Variants in MMP25 observed in about 807,000 individuals in gnomAD.
MMP25 encodes the protein matrix metallopeptidase 25, also known as matrix metalloproteinase-25.
In MMP25, 68 loss-of-function variants were observed where a neutral mutation model predicts 62.1. The ratio of observed to expected loss-of-function variants is 1.10; its 90% CI spans 0.90 to 1.34. The LOEUF is 1.34. MMP25 is among the 40% of genes most tolerant of loss of function. The probability of loss-of-function intolerance (pLI) is 0.00; values close to 1 mark genes in which losing one functional copy is unlikely to be tolerated. For synonymous variants in MMP25, 407 were observed against 345.6 expected (o/e 1.18, Z -1.97); for missense variants, 942 against 792.5 (o/e 1.19, Z -2.26).
intron 4 of MMP25, 68 bp downstream of exon 4, chr16:3,050,614 G>A: frequency 6.9e-7 from 1 of 1,444,926 alleles, no homozygotes; most frequent in Non-Finnish European, 9.2e-7. Flanking sequence ...TTTCTGTTGT[G>A]TGTTTTGTTT....
Position 3,046,849 on chromosome 16 carries a change from C to G in MMP25, c.-69C>G. ...CCTCTCCAGGCCCGGATCTCCTCCC[C>G]CAGGTCCCCGGGGCGGCCCCAGCCA... On this transcript the variant is annotated 5_prime_UTR_variant, in exon 1 of 10. Coordinates refer to ENST00000336577, the MANE Select transcript of MMP25 (RefSeq NM_022468.5). The G allele has an allele frequency of 2.2e-6, 2 of 903,908 alleles. No homozygotes were observed. The highest frequency in any genetic ancestry group is 6.7e-5 in the East Asian group (2 of 29,700). 56.0% of individuals were successfully genotyped at this position (903,908 alleles called of 1,614,324 possible).
chr16:3,058,209 C>T lies in MMP25; in HGVS notation c.1035C>T (p.Ser345=), dbSNP rs1956046901. 1.2e-6 allele frequency: 2 copies of T among 1,612,838 alleles called. No homozygotes were observed. Among genetic ancestry groups the T allele is most frequent in the East Asian group, 2.2e-5 (1 of 44,750 alleles). Residue 345 remains serine (S), a synonymous_variant, in exon 8 of 10, where the codon TCC becomes TCT. Transcript: ENST00000336577. ...CCTGGTTCTGGCGCCTCCAGCCCTC[C>T]GGACAGCTGGTGTCCCCGCGACCCG... ...KGPWFWRLQP[S]GQLVSPRPAR... is the part of the protein sequence containing the mutation.
rs745785298 is a variant in MMP25 at position 3,050,107 on chromosome 16, A to G, written c.331A>G (p.Ser111Gly). ...LVRRRRRYAL[S>G]GSVWKKRTLT... is the part of the protein sequence containing the mutation. ...CAGGCGGCGTCGCCGGTACGCTCTG[A>G]GCGGCAGCGTGTGGAAGAAGCGAAC... The change falls in exon 3 of 10, where the codon AGC (serine) becomes GGC (glycine). Residue 111 changes from serine to glycine, a missense_variant. Ser to Gly is a moderately conservative substitution (Grantham distance 56). Transcript: ENST00000336577. 22 of 1,609,450 alleles carry G rather than the reference A, an allele frequency of 1.4e-5. No individual in the cohort carries two copies. In the Admixed American group the frequency reaches 3.7e-4, roughly 27 times the overall value.
intron 8 of MMP25, 29 bp from the exon 9 acceptor site, chr16:3,058,383 C>A (rs1379096821): frequency 1.3e-6 from 2 of 1,513,568 alleles, no homozygotes; most frequent in Non-Finnish European, 1.8e-6. Flanking sequence ...GGGGAGCCCA[C>A]CCCTGACCTC....
intron 6 of MMP25, 62 bp from the exon 7 acceptor site, chr16:3,057,469 G>T (rs536753191): frequency 6.3e-7 from 1 of 1,596,460 alleles, no homozygotes; most frequent in East Asian, 2.2e-5. Context: ...TGGGGATGGT[G>T]GGGGTCCCTG....
chr16:3,057,710 CTTCT>C, intron 7 of MMP25, 97 bp downstream of exon 7: 1 of 1,133,972 alleles, frequency 8.8e-7, no homozygotes, highest in Non-Finnish European at 1.3e-6. Context: ...GAACTTTTTT[CTTCT>C]TTGAGACAGG....
intron 2 of MMP25, 110 bp from the exon 3 acceptor site, chr16:3,049,899 C>G: frequency 6.6e-7 from 1 of 1,514,330 alleles, no homozygotes; most frequent in Non-Finnish European, 9.0e-7. Context: ...GGGCACATTT[C>G]TTGAGCCCTC....
rs1955885720 is a variant in MMP25, at chr16:3,050,425, G to A, written c.540G>A (p.Gln180=). ...ILIDFARAFH[Q]DSYPFDGLGG... ...TCGACTTTGCCCGCGCCTTCCACCA[G>A]GACAGCTACCCCTTCGACGGGTTGG... The change falls in exon 4 of 10, where the codon CAG becomes CAA. Residue 180 remains glutamine (Q), a synonymous_variant. Transcript: ENST00000336577. The A allele has an allele frequency of 6.2e-7, 1 of 1,614,032 alleles. No homozygotes were observed. The highest frequency in any genetic ancestry group is 8.5e-7 in the Non-Finnish European group (1 of 1,180,004).
Position 3,050,527 on chromosome 16 carries a change from C to T in MMP25, c.642C>T (p.Thr214=), listed in dbSNP as rs1449608242. The T allele has an allele frequency of 6.4e-7, 1 of 1,554,610 alleles. No homozygotes were observed. Among genetic ancestry groups the T allele is most frequent in the Non-Finnish European group, 8.7e-7 (1 of 1,148,978 alleles). Residue 214 remains threonine, a synonymous_variant, in exon 4 of 10, where the codon ACC becomes ACT. Transcript: ENST00000336577. ...SGDTHFDDEE[T]WTFGSKDGEG... ...ACACTCACTTTGACGATGAGGAGAC[C>T]TGGACTTTTGGGTCAAAAGGTAAAA...
Position 3,046,862 on chromosome 16 carries a change from G to T in MMP25, c.-56G>T, listed in dbSNP as rs2250306. 219,902 of 1,000,678 alleles carry T rather than the reference G, an allele frequency of 0.22. 25,732 individuals are homozygous for T. The highest frequency in any genetic ancestry group is 0.24 in the South Asian group (11,326 of 46,728). 62.0% of individuals were successfully genotyped at this position (1,000,678 alleles called of 1,614,324 possible). A position where few individuals can be genotyped will look rare whatever the true frequency, so the allele number is the denominator to read the frequency against. On this transcript the variant is annotated 5_prime_UTR_variant, in exon 1 of 10. Coordinates refer to ENST00000336577, the MANE Select transcript of MMP25 (RefSeq NM_022468.5). ...GGATCTCCTCCCCCAGGTCCCCGGG[G>T]CGGCCCCAGCCAGGCCCCCTTCGAA...
At chr16:3,056,493 G>A (rs575414615) in intron 4 of MMP25, among the ~76,000 whole-genome samples, 4 of 151,708 alleles carry the variant, frequency 2.6e-5, no homozygotes, top group East Asian at 1.9e-4. Flanking sequence ...TCCACCTCCC[G>A]GGCTCCAGCG....
In MMP25 at chr16:3,050,481, G is replaced by A; in HGVS notation, c.596G>A (p.Gly199Glu). ...GGTLAHAFFP[G>E]EHPISGDTHF... ...ACCCTAGCCCATGCCTTCTTCCCTG[G>A]GGAGCACCCCATCTCCGGGGACACT... The change falls in exon 4 of 10, where the codon GGG (glycine) becomes GAG (glutamate). Residue 199 changes from glycine (G) to glutamate (E), a missense_variant. Coordinates refer to ENST00000336577, the MANE Select transcript of MMP25 (RefSeq NM_022468.5). The A allele has an allele frequency of 6.2e-7, 1 of 1,606,720 alleles. No individual in the cohort carries two copies. The highest frequency in any genetic ancestry group is 8.5e-7 in the Non-Finnish European group (1 of 1,175,282).
chr16:3,058,647 C>T lies in MMP25; in HGVS notation c.1395C>T (p.Asp465=), dbSNP rs1956060415. The change falls in exon 9 of 10, where the codon GAC becomes GAT. Residue 465 remains aspartate (D), a synonymous_variant. Transcript: ENST00000336577. ...SLWEGAPPSP[D]DVTVSNAGDT... ...GGGAAGGCGCGCCCCCCTCCCCTGA[C>T]GATGTCACCGTCAGCAACGCAGGTG... 2 of 1,601,834 alleles carry T rather than the reference C, an allele frequency of 1.2e-6. No individual in the cohort carries two copies. The highest frequency in any genetic ancestry group is 1.1e-5 in the South Asian group (1 of 90,156).
Position 3,059,640 on chromosome 16 carries a change from C to G in MMP25, c.*542C>G, listed in dbSNP as rs1277159303. ...CTGGGTCGTTAGAGGACAGGCCTGA[C>G]TGCGAAGCTGTGCCTTGCCCCTCTC... On this transcript the variant is annotated 3_prime_UTR_variant, in exon 10 of 10. Transcript: ENST00000336577. 6.5e-6 allele frequency: 1 copy of G among 152,944 alleles called. No homozygotes were observed. The highest frequency in any genetic ancestry group is 2.4e-5 in the African/African-American group (1 of 41,466). The allele number at this position is 152,944 out of a possible 1,614,324, so 9.5% of individuals were successfully genotyped here. A position where few individuals can be genotyped will look rare whatever the true frequency, so the allele number is the denominator to read the frequency against.
intron 2 of MMP25, among the ~76,000 whole-genome samples, chr16:3,049,450 C>T (rs550212570): frequency 1.3e-5 from 2 of 152,254 alleles, no homozygotes; most frequent in South Asian, 2.1e-4. Flanking sequence ...ATAAATGAGG[C>T]GCAGTTTGAC....
In MMP25 at chr16:3,055,019, A is replaced by T. The variant is rs564003020; in HGVS notation, c.662-2014A>T. On this transcript the variant is annotated intron_variant, in intron 4 of 9. Transcript: ENST00000336577. ...CAGTGCACCGGAAGTTACAGATGACATCGATGTCCTGTCCTGATGAAACAG... is the reference window on the plus strand; with the variant it reads ...CAGTGCACCGGAAGTTACAGATGACTTCGATGTCCTGTCCTGATGAAACAG... The T allele has an allele frequency of 5.2e-5, 8 of 153,526 alleles. No homozygotes were observed. The East Asian group carries it at 1.5e-3, about 30-fold the overall frequency. The allele number at this position is 153,526 out of a possible 1,614,324, so 9.5% of individuals were successfully genotyped here. A position where few individuals can be genotyped will look rare whatever the true frequency, so the allele number is the denominator to read the frequency against.
At chr16:3,047,609 G>C in intron 2 of MMP25, 62 bp downstream of exon 2, 2 of 1,565,482 alleles carry the variant, frequency 1.3e-6, no homozygotes, top group Non-Finnish European at 1.7e-6. Flanking sequence ...CCGCCCAACA[G>C]CCTTTAGACC....
In MMP25 at chr16:3,058,290, C is replaced by G. The variant is rs775352701; in HGVS notation, c.1116C>G (p.Ala372=). The change falls in exon 8 of 10, where the codon GCC becomes GCG. Residue 372 remains alanine, a synonymous_variant. Coordinates refer to ENST00000336577, the MANE Select transcript of MMP25 (RefSeq NM_022468.5). ...GLPAQVRVVQ[A]AYARHRDGRI... ...CCGCCCAGGTGAGGGTGGTGCAGGC[C>G]GCCTATGCTCGGCACCGAGACGGCC... 28 of 1,607,102 alleles carry G rather than the reference C, an allele frequency of 1.7e-5. No individual in the cohort carries two copies. The highest frequency in any genetic ancestry group is 1.9e-5 in the Non-Finnish European group (22 of 1,178,148).
intron 1 of MMP25, 31 bp from the exon 2 acceptor site, chr16:3,047,384 C>T: frequency 6.3e-7 from 1 of 1,594,826 alleles, no homozygotes; most frequent in African/African-American, 1.3e-5. Flanking sequence ...TTTCACCCAG[C>T]CCGCTTCACC....
Sources: gnomAD v4.1 joint callset for allele counts (sites outside exome capture counted in the v4.1 genomes callset) on GRCh38, gnomAD v4.1.1 for gene constraint, MANE v1.5 for transcripts, NCBI Gene and HGNC (gene_info 2026-07-23, HGNC 2026-07-21) for gene names.